Variants in ENPP2 observed in about 807,000 individuals in gnomAD.
ENPP2 encodes ectonucleotide pyrophosphatase/phosphodiesterase 2, also known as autotaxin.
Under a neutral mutation model 120.2 loss-of-function variants are expected in ENPP2, and 51 were observed. That is an observed-to-expected ratio of 0.42 (90% CI 0.34 to 0.54). The LOEUF is 0.54. ENPP2 is among the 20% of genes least tolerant of loss of function. The pLI is 0.04. For synonymous variants in ENPP2, 365 were observed against 366.4 expected, an observed-to-expected ratio of 1.00 and a Z score of 0.04; for missense variants, 920 against 1,066.5, an observed-to-expected ratio of 0.86 and a Z score of 1.91.
chr8:119,645,718 G>A (rs181400680), intron 1 of ENPP2, among the ~76,000 whole-genome samples: 1 of 151,686 alleles, frequency 6.6e-6, no homozygotes, highest in Non-Finnish European at 1.5e-5. Context: ...GGGAGGCTGA[G>A]GCAGGAGAAT....
At chr8:119,570,608 T>C (rs1814883781) in intron 20 of ENPP2, 97 bp downstream of exon 20, 1 of 663,118 alleles carries the variant, frequency 1.5e-6, no homozygotes, top group Non-Finnish European at 2.4e-6. Context: ...AAAAATAAAA[T>C]ATTTTCTAAG....
At chr8:119,582,326 A>T (rs1413834946) in intron 18 of ENPP2, 92 bp downstream of exon 18, 9 of 954,954 alleles carry the variant, frequency 9.4e-6, no homozygotes. Flanking sequence ...GCATAATTAT[A>T]GACCATGTCC....
intron 1 of ENPP2, among the ~76,000 whole-genome samples, chr8:119,645,988 G>A (rs1476782392): frequency 4.7e-5 from 7 of 149,608 alleles, no homozygotes; most frequent in Admixed American, 4.6e-4. Context: ...TTTTTTTTGA[G>A]ATGGAGTTTC....
chr8:119,630,105 A>G (rs1318294967), intron 2 of ENPP2, among the ~76,000 whole-genome samples: 2 of 147,790 alleles, frequency 1.4e-5, no homozygotes, highest in African/African-American at 2.5e-5. Context: ...TTTCTTCCCT[A>G]TTTCTTTCTT....
At chr8:119,591,616 G>T (rs1813512229) in intron 12 of ENPP2, among the ~76,000 whole-genome samples, 1 of 151,994 alleles carries the variant, frequency 6.6e-6, no homozygotes, top group East Asian at 1.9e-4. Flanking sequence ...TCCTGTAAAG[G>T]ATGCCCAAAG....
At chr8:119,661,418 C>T (rs555713088) in intron 1 of ENPP2, among the ~76,000 whole-genome samples, 4 of 152,292 alleles carry the variant, frequency 2.6e-5, no homozygotes, top group Admixed American at 6.5e-5. Flanking sequence ...AGCTGCTCAA[C>T]ATCACTAATC....
Position 119,616,298 on chromosome 8 carries a change from C to A in ENPP2, c.744G>T (p.Glu248Asp). 2.5e-6 allele frequency: 4 copies of A among 1,608,868 alleles called. No homozygotes were observed. Among genetic ancestry groups the A allele is most frequent in the Non-Finnish European group, 3.4e-6 (4 of 1,176,268 alleles). Residue 248 changes from glutamate to aspartate, a missense_variant, in exon 8 of 25, where the codon GAG becomes GAT. Glu to Asp is a conservative substitution (Grantham distance 45). Transcript: ENST00000075322. Reference protein sequence around the residue: ...FDATFHLRGREKFNHRWWGGQ... With the variant: ...FDATFHLRGRDKFNHRWWGGQ... ...CTCCCCACCATCTATGATTAAATTT[C>A]TCTCGCCCTCGCAGATGAAAAGTGG...
chr8:119,667,111 G>A (rs1049296342), intron 1 of ENPP2, among the ~76,000 whole-genome samples: 4 of 152,164 alleles, frequency 2.6e-5, no homozygotes, highest in Non-Finnish European at 4.4e-5. Flanking sequence ...GCAGGAAACA[G>A]CTAGGACCAT....
At chr8:119,668,807 A>T (rs1158699162) in intron 1 of ENPP2, among the ~76,000 whole-genome samples, 1 of 152,168 alleles carries the variant, frequency 6.6e-6, no homozygotes, top group Non-Finnish European at 1.5e-5. Context: ...TTAAATCTCT[A>T]AACCTTAACT....
Position 119,600,677 on chromosome 8 carries a change from C to T in ENPP2, c.972+1G>A. The T allele has an allele frequency of 1.2e-6, 2 of 1,603,432 alleles. No homozygotes were observed. The highest frequency in any genetic ancestry group is 1.7e-6 in the Non-Finnish European group (2 of 1,170,346). Reference sequence around the variant, plus strand: ...TCTCAGGCAGATGCTAAACCACTAACCTCAGGGCCGAAAGGGCCATATTTG... The same window carrying T: ...TCTCAGGCAGATGCTAAACCACTAATCTCAGGGCCGAAAGGGCCATATTTG... On this transcript the variant is annotated splice_donor_variant, in intron 11 of 24. Coordinates refer to ENST00000075322, the MANE Select transcript of ENPP2 (RefSeq NM_001040092.3). LOFTEE classifies it high-confidence loss of function.
At chr8:119,658,294 G>C (rs1268244036) in intron 1 of ENPP2, among the ~76,000 whole-genome samples, 1 of 152,186 alleles carries the variant, frequency 6.6e-6, no homozygotes. Flanking sequence ...CTTTTAGGCA[G>C]AGTCTCAGCT....
At chr8:119,610,607 A>T (rs1185788448) in intron 8 of ENPP2, among the ~76,000 whole-genome samples, 1 of 143,366 alleles carries the variant, frequency 7.0e-6, no homozygotes, top group Non-Finnish European at 1.6e-5. Context: ...AGGGTAGTTT[A>T]AAAAAAAAAA....
At chr8:119,649,121 C>T (rs752434377) in intron 1 of ENPP2, among the ~76,000 whole-genome samples, 40 of 151,604 alleles carry the variant, frequency 2.6e-4, no homozygotes, top group Non-Finnish European at 4.6e-4. Flanking sequence ...TGGCCGGGCA[C>T]GGTGGCTCAT....
rs748910277 is a variant in ENPP2, at chr8:119,619,265, T to C, written c.458A>G (p.Lys153Arg). 2.0e-5 allele frequency: 33 copies of C among 1,612,588 alleles called. No individual in the cohort carries two copies. The South Asian group carries it at 3.6e-4, about 18-fold the overall frequency. Residue 153 changes from lysine to arginine, a missense_variant, in exon 5 of 25, where the codon AAG (lysine) becomes AGG (arginine). Physicochemically the swap from Lys to Arg is conservative, Grantham distance 26. Transcript: ENST00000075322. ...TTACCCTGCAGGGCATTCTGCGGCC[T>C]TTATTTCCTCACAGTCATCATCAAC... is the stretch of plus-strand genomic sequence containing the variant. ...HWVDDDCEEIKAAECPAGFVR... is the reference protein window; with the variant it reads ...HWVDDDCEEIRAAECPAGFVR...
chr8:119,598,852 G>A (rs1814083043), intron 11 of ENPP2, among the ~76,000 whole-genome samples: 1 of 152,220 alleles, frequency 6.6e-6, no homozygotes, highest in African/African-American at 2.4e-5. Context: ...CTATCTTCAG[G>A]TTCTCCCCTT....
At chr8:119,659,565 T>G (rs1466577600) in intron 1 of ENPP2, among the ~76,000 whole-genome samples, 3 of 152,186 alleles carry the variant, frequency 2.0e-5, no homozygotes, top group African/African-American at 7.2e-5. Context: ...ATCCATTGAC[T>G]AGTTCATGGA....
chr8:119,649,560 G>C (rs1469819558), intron 1 of ENPP2, among the ~76,000 whole-genome samples: 1 of 152,190 alleles, frequency 6.6e-6, no homozygotes, highest in Non-Finnish European at 1.5e-5. Context: ...AATTTGGGAA[G>C]ATCTGCTTTT....
chr8:119,585,412 T>C (rs1188989980), intron 15 of ENPP2, among the ~76,000 whole-genome samples: 1 of 152,110 alleles, frequency 6.6e-6, no homozygotes, highest in Non-Finnish European at 1.5e-5. Flanking sequence ...AGAACTTGAG[T>C]TTCTAAATAT....
At chr8:119,579,718 A>AAT (rs112526328) in intron 19 of ENPP2, among the ~76,000 whole-genome samples, 5,569 of 151,844 alleles carry the variant, frequency 0.037, 271 homozygotes, top group African/African-American at 0.11. Context: ...TCCCTATCAC[A>AAT]ATATATATAT....
Sources: allele counts gnomAD v4.1 joint callset (sites outside exome capture counted in the v4.1 genomes callset), GRCh38; gene constraint gnomAD v4.1.1; transcripts MANE v1.5; gene names NCBI Gene and HGNC (gene_info 2026-07-23, HGNC 2026-07-21).